The following WDPCP variants were observed in gnomAD, a reference collection of about 807,000 sequenced individuals.
The protein encoded by WDPCP is WD repeat containing planar cell polarity effector, also known as WD repeat-containing and planar cell polarity effector protein fritz homolog.
A neutral mutation model predicts 93.1 loss-of-function variants in WDPCP; 71 were observed. That is an observed-to-expected ratio of 0.76 (90% CI 0.63 to 0.93). The LOEUF is 0.93. WDPCP is among the 40% of genes least tolerant of loss of function. The pLI, the probability that WDPCP is intolerant of heterozygous loss-of-function variation, is 0.00. For missense variants in WDPCP, 844 were observed against 887.4 expected (o/e 0.95, Z 0.62); for synonymous variants, 315 against 315.0 (o/e 1.00, Z 0.00).
chr2:63,174,593 CTT>C, intron 15 of WDPCP, 75 bp downstream of exon 15: 1 of 1,578,314 alleles, frequency 6.3e-7, no homozygotes, highest in Admixed American at 1.7e-5. Context: ...AATATTCTTG[CTT>C]TGCTATTAGT....
At chr2:63,146,600 C>T (rs1671526531) in intron 17 of WDPCP, among the ~76,000 whole-genome samples, 1 of 152,080 alleles carries the variant, frequency 6.6e-6, no homozygotes, top group South Asian at 2.1e-4. Context: ...TGGCCTTGAT[C>T]TCCTGACCTC....
chr2:63,488,709 C>T (rs1243594651), intron 2 of WDPCP, among the ~76,000 whole-genome samples: 1 of 151,854 alleles, frequency 6.6e-6, no homozygotes, highest in Non-Finnish European at 1.5e-5. Flanking sequence ...AATCTAAGAA[C>T]CACAGGCACT....
At chr2:63,524,213 C>G (rs972221760) in intron 1 of WDPCP, among the ~76,000 whole-genome samples, 1 of 152,176 alleles carries the variant, frequency 6.6e-6, no homozygotes, top group Non-Finnish European at 1.5e-5. Flanking sequence ...CAGTGCTATT[C>G]CTATCAAACT....
At position 63,575,489 on chromosome 2, in the gene WDPCP, A is replaced by ACAGTATGTACAGTGTATGCACT. The variant is rs1257278044; in HGVS notation, c.75+12707_75+12708insAGTGCATACACTGTACATACTG. ...TATGCAGTATATACAGTGTATATAT[A>ACAGTATGTACAGTGTATGCACT]GTATATACAGTATATACACTGTATA... is the stretch of plus-strand genomic sequence containing the variant. On this transcript the variant is annotated intron_variant, in intron 1 of 17. Coordinates refer to ENST00000272321, the MANE Select transcript of WDPCP (RefSeq NM_015910.7). 2.3e-4 allele frequency among the ~76,000 whole-genome samples: 4 copies of ACAGTATGTACAGTGTATGCACT among 17,288 alleles called. 1 individual carries two copies. Among genetic ancestry groups the ACAGTATGTACAGTGTATGCACT allele is most frequent in the Admixed American group, 7.1e-4 (1 of 1,406 alleles). The allele number at this position is 17,288 out of a possible 152,430, so 11.3% of individuals were successfully genotyped here. A position where few individuals can be genotyped will look rare whatever the true frequency, so the allele number is the denominator to read the frequency against.
At chr2:63,730,349 T>C (rs1298950785) in intron 2 of WDPCP, among the ~76,000 whole-genome samples, 1 of 152,208 alleles carries the variant, frequency 6.6e-6, no homozygotes, top group Non-Finnish European at 1.5e-5. Flanking sequence ...CCCTTCGGTT[T>C]CTGGAGGTTG....
intron 2 of WDPCP, among the ~76,000 whole-genome samples, chr2:63,685,813 T>C (rs1668798354): frequency 6.6e-6 from 1 of 152,140 alleles, no homozygotes; most frequent in African/African-American, 2.4e-5. Flanking sequence ...TGCAAATAAA[T>C]AAATGTGATA....
At chr2:63,178,661 A>T (rs1005822393) in intron 14 of WDPCP, among the ~76,000 whole-genome samples, 3 of 151,220 alleles carry the variant, frequency 2.0e-5, no homozygotes, top group African/African-American at 7.3e-5. Flanking sequence ...CCACCTCTTA[A>T]GTTTTGTTGA....
chr2:63,170,099 G>T (rs1673276859), intron 15 of WDPCP, among the ~76,000 whole-genome samples: 1 of 150,310 alleles, frequency 6.7e-6, no homozygotes, highest in Non-Finnish European at 1.5e-5. Flanking sequence ...TCGCTATGTT[G>T]CCCAGGCTGG....
At chr2:63,677,256 T>C (rs1476162133) in intron 2 of WDPCP, among the ~76,000 whole-genome samples, 1 of 152,206 alleles carries the variant, frequency 6.6e-6, no homozygotes, top group Admixed American at 6.5e-5. Flanking sequence ...GTAAATCCTC[T>C]GTGAAAGAAG....
chr2:63,226,858 AG>A (rs1419018556), intron 14 of WDPCP, among the ~76,000 whole-genome samples: 1 of 151,926 alleles, frequency 6.6e-6, no homozygotes, highest in Non-Finnish European at 1.5e-5. Context: ...ATCTACTGTA[AG>A]TGGAATTTAG....
intron 13 of WDPCP, among the ~76,000 whole-genome samples, chr2:63,268,238 G>T (rs1459846776): frequency 6.6e-6 from 1 of 152,138 alleles, no homozygotes; most frequent in Non-Finnish European, 1.5e-5. Flanking sequence ...GAAAGATACT[G>T]TATGATCTCA....
intron 2 of WDPCP, among the ~76,000 whole-genome samples, chr2:63,691,219 T>A (rs1451326977): frequency 6.6e-6 from 1 of 151,934 alleles, no homozygotes; most frequent in Non-Finnish European, 1.5e-5. Context: ...CAGGAAAAAA[T>A]TATGTTGGAT....
intron 6 of WDPCP, chr2:63,441,369 G>T (rs1242862244): frequency 2.6e-5 from 4 of 151,844 alleles, no homozygotes; most frequent in Non-Finnish European, 2.9e-5. Flanking sequence ...GCAATTTTAG[G>T]GACATCTTTT....
At chr2:63,418,138 A>C (rs1308112554) in intron 9 of WDPCP, among the ~76,000 whole-genome samples, 1 of 152,214 alleles carries the variant, frequency 6.6e-6, no homozygotes, top group Non-Finnish European at 1.5e-5. Flanking sequence ...AAATAGAATT[A>C]TGTAGTTATT....
At chr2:63,200,237 G>C (rs193278035) in intron 14 of WDPCP, among the ~76,000 whole-genome samples, 3 of 152,258 alleles carry the variant, frequency 2.0e-5, no homozygotes, top group African/African-American at 7.2e-5. Context: ...ATGCATTGTT[G>C]GTGGGAATGT....
intron 2 of WDPCP, among the ~76,000 whole-genome samples, chr2:63,812,868 A>G (rs185588240): frequency 6.6e-6 from 1 of 152,036 alleles, no homozygotes; most frequent in African/African-American, 2.4e-5. Context: ...TAAGTTTTAG[A>G]AAAAAAATCA....
chr2:63,336,829 A>ATCC (rs968302855), intron 12 of WDPCP, among the ~76,000 whole-genome samples: 2 of 148,320 alleles, frequency 1.3e-5, no homozygotes, highest in Non-Finnish European at 3.0e-5. Context: ...TTCCCCTTTT[A>ATCC]TCCTCCATCT....
chr2:63,509,218 A>G (rs978613819), intron 1 of WDPCP, among the ~76,000 whole-genome samples: 1 of 152,244 alleles, frequency 6.6e-6, no homozygotes, highest in Admixed American at 6.5e-5. Flanking sequence ...AAGAATGGAA[A>G]TCAAAACAAA....
At chr2:63,248,457 T>A (rs1280716336) in intron 14 of WDPCP, among the ~76,000 whole-genome samples, 1 of 152,198 alleles carries the variant, frequency 6.6e-6, no homozygotes, top group Non-Finnish European at 1.5e-5. Flanking sequence ...CATTTGTGGA[T>A]CCATGTATTT....
Sources: allele counts gnomAD v4.1 joint callset (sites outside exome capture counted in the v4.1 genomes callset), GRCh38; gene constraint gnomAD v4.1.1; transcripts MANE v1.5; gene names NCBI Gene and HGNC (gene_info 2026-07-23, HGNC 2026-07-21).